Variants in ZFP64 observed in about 807,000 individuals in gnomAD.
ZFP64 encodes the protein ZFP64 zinc finger protein.
Under a neutral mutation model 51.6 loss-of-function variants are expected in ZFP64, and 14 were observed. The ratio of observed to expected loss-of-function variants is 0.27; its 90% confidence interval spans 0.18 to 0.42. The LOEUF is 0.42. ZFP64 is among the 10% of genes least tolerant of loss of function. The probability of loss-of-function intolerance (pLI) is 1.00; values close to 1 mark genes in which losing one functional copy is unlikely to be tolerated. For missense variants in ZFP64, 754 were observed against 906.8 expected, an observed-to-expected ratio of 0.83 and a Z score of 2.16; for synonymous variants, 375 against 361.4, an observed-to-expected ratio of 1.04 and a Z score of -0.43.
rs1980841062 is a variant in ZFP64, at chr20:52,151,998, C to T, written c.*148G>A. 4 of 1,426,134 alleles carry T rather than the reference C, an allele frequency of 2.8e-6. No homozygotes were observed. Among genetic ancestry groups the T allele is most frequent in the Non-Finnish European group, 3.7e-6 (4 of 1,090,512 alleles). 88.3% of individuals were successfully genotyped at this position (1,426,134 alleles called of 1,614,324 possible). ...GTTGCAGTGAGCCAAGATAGCGCCA[C>T]TGCACTCCAGCCTGGGAAACAGAGC... On this transcript the variant is annotated 3_prime_UTR_variant, in exon 6 of 6. Transcript: ENST00000216923.
At chr20:52,142,506 C>T (rs1301740523) in intron 5 of ZFP64, among the ~76,000 whole-genome samples, 2 of 151,614 alleles carry the variant, frequency 1.3e-5, no homozygotes, top group Non-Finnish European at 2.9e-5. Flanking sequence ...ATCCATGTAA[C>T]AAAACTGCAT....
chr20:52,172,309 T>C (rs1982817604), intron 2 of ZFP64, among the ~76,000 whole-genome samples: 1 of 152,000 alleles, frequency 6.6e-6, no homozygotes, highest in Non-Finnish European at 1.5e-5. Flanking sequence ...AAGTCACTTC[T>C]CTGCTCTTCA....
chr20:52,111,196 AATTTT>A, intron 5 of ZFP64: 3 of 532,920 alleles, frequency 5.6e-6, no homozygotes, highest in Admixed American at 3.8e-5. Context: ...GTCAGCGGTC[AATTTT>A]TTTTTTTTTT....
chr20:52,091,797 G>A (rs938149578), intron 7 of ZFP64, among the ~76,000 whole-genome samples: 1 of 140,348 alleles, frequency 7.1e-6, no homozygotes, highest in Non-Finnish European at 1.6e-5. Context: ...AGACCAACCT[G>A]ACCAACATGG....
intron 5 of ZFP64, among the ~76,000 whole-genome samples, chr20:52,129,175 G>C (rs1005562921): frequency 4.6e-5 from 7 of 151,014 alleles, no homozygotes; most frequent in Admixed American, 1.3e-4. Context: ...TCCGCCTCCC[G>C]GGTTCACGCC....
chr20:52,105,020 G>T, intron 5 of ZFP64: 3 of 1,263,032 alleles, frequency 2.4e-6, no homozygotes, highest in Non-Finnish European at 3.1e-6. Context: ...TGCGCCGGAC[G>T]CTTCGCCCGC....
intron 2 of ZFP64, among the ~76,000 whole-genome samples, chr20:52,182,165 T>TGTAAAAAGAGGTTATAGTTTA (rs1983660723): frequency 6.6e-6 from 1 of 152,208 alleles, no homozygotes; most frequent in Admixed American, 6.5e-5. Context: ...AGATGGGGAC[T>TGTAAAAAGAGGTTATAGTTTA]GTTTAGTGAG....
intron 2 of ZFP64, among the ~76,000 whole-genome samples, chr20:52,171,048 T>C (rs1982675024): frequency 6.6e-6 from 1 of 152,222 alleles, no homozygotes; most frequent in Non-Finnish European, 1.5e-5. Flanking sequence ...ATAATTATTA[T>C]ATTAATAGTA....
intron 5 of ZFP64, among the ~76,000 whole-genome samples, chr20:52,142,541 C>T (rs1395872989): frequency 6.6e-6 from 1 of 151,564 alleles, no homozygotes; most frequent in Non-Finnish European, 1.5e-5. Context: ...TAAATTTATA[C>T]CAAAAAAGGC....
chr20:52,102,966 AGT>A (rs2079069514), intron 5 of ZFP64, among the ~76,000 whole-genome samples: 1 of 151,542 alleles, frequency 6.6e-6, no homozygotes, highest in East Asian at 1.9e-4. Flanking sequence ...AAACTAGAAA[AGT>A]GAGAGAGAGG....
At chr20:52,126,058 T>A (rs1395535235) in intron 5 of ZFP64, among the ~76,000 whole-genome samples, 1 of 151,982 alleles carries the variant, frequency 6.6e-6, no homozygotes, top group East Asian at 1.9e-4. Context: ...CTGCCACACC[T>A]GTCTAATTTT....
intron 6 of ZFP64, among the ~76,000 whole-genome samples, chr20:52,098,189 A>AG (rs1555879022): frequency 1.3e-5 from 2 of 150,966 alleles, no homozygotes; most frequent in Non-Finnish European, 3.0e-5. Flanking sequence ...AAAAAAAAAA[A>AG]GAGTCCATAT....
chr20:52,187,061 G>A lies in ZFP64; in HGVS notation c.57C>T (p.Gly19=), dbSNP rs774852916. 11 of 1,607,506 alleles carry A rather than the reference G, an allele frequency of 6.8e-6. No homozygotes were observed. The highest frequency in any genetic ancestry group is 8.5e-7 in the Non-Finnish European group (1 of 1,174,714). ...GAGTCAGCTCCACCAGCACCGTTGT[G>A]CCACCTGGAACTCCATGGGACAAAG... The part of the protein sequence containing the change: ...SFAGSVQIPG[G]TTVLVELTPD... Residue 19 remains glycine (G), a synonymous_variant, in exon 2 of 6, where the codon GGC becomes GGT. Coordinates refer to ENST00000216923, the MANE Select transcript of ZFP64 (RefSeq NM_018197.3).
At chr20:52,090,348 AGAG>A (rs1040824220) in intron 7 of ZFP64, among the ~76,000 whole-genome samples, 8 of 152,324 alleles carry the variant, frequency 5.3e-5, no homozygotes, top group South Asian at 2.1e-4. Context: ...GCATTCAGTG[AGAG>A]GAGAAGATAG....
At chr20:52,110,862 C>T (rs1978524323) in intron 5 of ZFP64, 2 of 1,610,100 alleles carry the variant, frequency 1.2e-6, no homozygotes. Flanking sequence ...AGATCCCCAC[C>T]TCTGCCACCA....
chr20:52,120,036 G>A (rs1463096499), intron 5 of ZFP64, among the ~76,000 whole-genome samples: 3 of 152,110 alleles, frequency 2.0e-5, no homozygotes, highest in Admixed American at 1.3e-4. Context: ...CAGGTGTTTG[G>A]ATCATGGAGC....
chr20:52,093,448 A>AT (rs1462103500), intron 7 of ZFP64, among the ~76,000 whole-genome samples: 1 of 152,120 alleles, frequency 6.6e-6, no homozygotes, highest in Non-Finnish European at 1.5e-5. Flanking sequence ...CCATCAGGAG[A>AT]TTTTTATCTG....
At chr20:52,142,386 A>ACACACACGCGCGCGCG (rs776498875) in intron 5 of ZFP64, among the ~76,000 whole-genome samples, 18 of 141,868 alleles carry the variant, frequency 1.3e-4, no homozygotes, top group African/African-American at 5.0e-4. Flanking sequence ...AGACACACAC[A>ACACACACGCGCGCGCG]CACACACACA....
chr20:52,111,808 A>G (rs6021709), intron 5 of ZFP64, among the ~76,000 whole-genome samples: 31,412 of 151,816 alleles, frequency 0.21, 3,632 homozygotes, highest in Admixed American at 0.27. Flanking sequence ...CTGGCTGGGC[A>G]CAGTGGCTTA....
Sources: gnomAD v4.1 joint callset for allele counts (sites outside exome capture counted in the v4.1 genomes callset) on GRCh38, gnomAD v4.1.1 for gene constraint, MANE v1.5 for transcripts, NCBI Gene and HGNC (gene_info 2026-07-23, HGNC 2026-07-21) for gene names.